ERBB4: variants seen among roughly 807,000 people sequenced by gnomAD.
The protein encoded by ERBB4 is erb-b2 receptor tyrosine kinase 4.
ERBB4 carries 42 observed loss-of-function variants against 158.0 expected under a neutral mutation model. That is an observed-to-expected ratio of 0.27 (90% CI 0.21 to 0.34). The LOEUF (loss-of-function observed/expected upper bound fraction) is 0.34, where lower values mean the gene tolerates loss of function less well. Among genes scored for constraint, ERBB4 ranks in the 10% least tolerant of loss-of-function variants. ERBB4 has a pLI of 1.00. For missense variants in ERBB4, 1,333 were observed against 1,624.1 expected (o/e 0.82, Z 3.08); for synonymous variants, 583 against 558.7 (o/e 1.04, Z -0.61).
intron 3 of ERBB4, among the ~76,000 whole-genome samples, chr2:211,834,501 G>T (rs933551552): frequency 6.6e-6 from 1 of 151,900 alleles, no homozygotes. Flanking sequence ...AAAAAGAAGG[G>T]GGGTAGGGGC....
At chr2:212,532,560 G>T (rs1692813728) in intron 1 of ERBB4, among the ~76,000 whole-genome samples, 1 of 152,232 alleles carries the variant, frequency 6.6e-6, no homozygotes, top group African/African-American at 2.4e-5. Context: ...CATTCAAGAT[G>T]TTAATAGCTT....
intron 1 of ERBB4, among the ~76,000 whole-genome samples, chr2:212,510,112 A>G (rs990488056): frequency 6.7e-6 from 1 of 149,698 alleles, no homozygotes; most frequent in Non-Finnish European, 1.5e-5. Context: ...ACTACTAGAC[A>G]TGACACAGAA....
At chr2:211,486,031 T>C (rs2065197345) in intron 20 of ERBB4, among the ~76,000 whole-genome samples, 1 of 152,130 alleles carries the variant, frequency 6.6e-6, no homozygotes, top group Admixed American at 6.6e-5. Flanking sequence ...TCTGTATCTA[T>C]ATGTAAATAT....
rs532106350 is a variant in ERBB4, at chr2:212,269,590, G to T, written c.83-144687C>A. Among the ~76,000 whole-genome samples the T allele has an allele frequency of 3.2e-4, 49 of 151,768 alleles. 1 individual carries two copies. Among genetic ancestry groups the T allele is most frequent in the Admixed American group, 2.0e-4 (3 of 15,174 alleles). On this transcript the variant is annotated intron_variant, in intron 1 of 27. Transcript: ENST00000342788. Reference sequence around the variant, plus strand: ...TCAATTTAAAATTCAATGTAATAAGGTTAAATACTTAGAGATAGCTATGGT... The same window carrying T: ...TCAATTTAAAATTCAATGTAATAAGTTTAAATACTTAGAGATAGCTATGGT...
At chr2:211,552,911 T>C (rs1000219889) in intron 20 of ERBB4, among the ~76,000 whole-genome samples, 2 of 152,168 alleles carry the variant, frequency 1.3e-5, no homozygotes, top group East Asian at 3.8e-4. Flanking sequence ...GAATTTCCCC[T>C]GAGCTCAGTT....
chr2:211,725,977 T>C (rs2106135622), intron 5 of ERBB4, among the ~76,000 whole-genome samples: 1 of 152,254 alleles, frequency 6.6e-6, no homozygotes, highest in South Asian at 2.1e-4. Context: ...GAGGTATACT[T>C]TAGTAAAAGC....
At chr2:212,378,953 G>A (rs570266123) in intron 1 of ERBB4, among the ~76,000 whole-genome samples, 127 of 151,732 alleles carry the variant, frequency 8.4e-4, no homozygotes, top group African/African-American at 2.8e-3. Context: ...AATATTCATC[G>A]TATGGCACCC....
At chr2:212,261,393 A>G (rs1038699406) in intron 1 of ERBB4, among the ~76,000 whole-genome samples, 24 of 152,224 alleles carry the variant, frequency 1.6e-4, no homozygotes, top group Admixed American at 1.4e-3. Context: ...GAACAGAAAG[A>G]TAAGGATAAA....
chr2:212,235,975 T>G (rs1032031004), intron 1 of ERBB4, among the ~76,000 whole-genome samples: 1 of 152,234 alleles, frequency 6.6e-6, no homozygotes, highest in Non-Finnish European at 1.5e-5. Flanking sequence ...TCTTGCCTGA[T>G]TGCCCTAGCC....
chr2:212,162,806 A>G (rs2081240012), intron 1 of ERBB4, among the ~76,000 whole-genome samples: 1 of 151,982 alleles, frequency 6.6e-6, no homozygotes, highest in South Asian at 2.1e-4. Context: ...AAGTTTCACA[A>G]TAAAATGCTG....
At chr2:212,302,887 T>C (rs924461338) in intron 1 of ERBB4, among the ~76,000 whole-genome samples, 1 of 151,322 alleles carries the variant, frequency 6.6e-6, no homozygotes, top group Non-Finnish European at 1.5e-5. Context: ...ACATAAAAAA[T>C]TGTTTATCCC....
intron 20 of ERBB4, among the ~76,000 whole-genome samples, chr2:211,554,374 G>A (rs1250270924): frequency 6.6e-6 from 1 of 152,176 alleles, no homozygotes; most frequent in East Asian, 1.9e-4. Context: ...CCAAGGATAT[G>A]CCAGGTGTGT....
At chr2:212,306,732 G>A (rs1244351443) in intron 1 of ERBB4, among the ~76,000 whole-genome samples, 2 of 149,936 alleles carry the variant, frequency 1.3e-5, no homozygotes, top group Non-Finnish European at 3.0e-5. Context: ...TTTTACTAGT[G>A]TTCTAATTTA....
chr2:212,141,422 A>G (rs1343560698), intron 1 of ERBB4, among the ~76,000 whole-genome samples: 1 of 152,170 alleles, frequency 6.6e-6, no homozygotes. Context: ...AATAGGTGCA[A>G]GTTTCTAAAA....
chr2:212,275,105 TC>T (rs1392785101), intron 1 of ERBB4, among the ~76,000 whole-genome samples: 3 of 152,016 alleles, frequency 2.0e-5, no homozygotes, highest in Non-Finnish European at 4.4e-5. Context: ...TATGAACTCA[TC>T]CTTTTTTATG....
Position 211,665,395 on chromosome 2 carries a change from GC to G in ERBB4, c.1798del (p.Ala600GlnfsTer53), listed in dbSNP as rs1229347539. 1 of 1,613,922 alleles carries G rather than the reference GC, an allele frequency of 6.2e-7. No homozygotes were observed. Among genetic ancestry groups the G allele is most frequent in the Admixed American group, 1.7e-5 (1 of 59,984 alleles). ...AGCATACTTGAAAATGAAACTGTTT[GC>G]CCCCTGTAAGCCATCTGGACATTTT... ...VEKCPDGLQG[A>X]NSFIFKYADP... On this transcript the variant is annotated frameshift_variant, in exon 15 of 28. Transcript: ENST00000342788. LOFTEE classifies it high-confidence loss of function.
chr2:211,799,034 A>G (rs2076443084), intron 3 of ERBB4, among the ~76,000 whole-genome samples: 1 of 152,134 alleles, frequency 6.6e-6, no homozygotes, highest in Admixed American at 6.6e-5. Context: ...TTCGTAGGTC[A>G]CAAAACCTCC....
At position 211,597,146 on chromosome 2, in the gene ERBB4, G is replaced by T. The variant is rs192103892; in HGVS notation, c.2301+22031C>A. Among the ~76,000 whole-genome samples, 358 of 152,226 alleles carry T rather than the reference G, an allele frequency of 2.4e-3. 2 individuals carry two copies. The highest frequency in any genetic ancestry group is 8.3e-3 in the African/African-American group (345 of 41,528). On this transcript the variant is annotated intron_variant, in intron 19 of 27. Coordinates refer to ENST00000342788, the MANE Select transcript of ERBB4 (RefSeq NM_005235.3). Reference sequence around the variant, plus strand: ...AAAACATGAAGAAGCAAGGAAAAATGCAATATCCAAATGGTCTATAGAGAG... The same window carrying T: ...AAAACATGAAGAAGCAAGGAAAAATTCAATATCCAAATGGTCTATAGAGAG...
chr2:211,959,841 A>G (rs1395824582), intron 2 of ERBB4, among the ~76,000 whole-genome samples: 1 of 152,122 alleles, frequency 6.6e-6, no homozygotes, highest in East Asian at 1.9e-4. Context: ...CTGGCCCCTT[A>G]GTAGTTTACA....
Sources: gnomAD v4.1 joint callset for allele counts (sites outside exome capture counted in the v4.1 genomes callset) on GRCh38, gnomAD v4.1.1 for gene constraint, MANE v1.5 for transcripts, NCBI Gene and HGNC (gene_info 2026-07-23, HGNC 2026-07-21) for gene names.